ADAMTS17: variants seen among roughly 807,000 people sequenced by gnomAD.
The protein encoded by ADAMTS17 is A disintegrin and metalloproteinase with thrombospondin motifs 17.
In ADAMTS17, 113 loss-of-function variants were observed where a neutral mutation model predicts 141.5. That is an observed-to-expected ratio of 0.80 (90% CI 0.69 to 0.93). The LOEUF is 0.93. Among genes scored for constraint, ADAMTS17 ranks in the 40% least tolerant of loss-of-function variants. The pLI is 0.00. For missense variants in ADAMTS17, 1,659 were observed against 1,517.9 expected, an observed-to-expected ratio of 1.09 and a Z score of -1.54; for synonymous variants, 768 against 630.6, an observed-to-expected ratio of 1.22 and a Z score of -3.27.
chr15:100,052,401 G>T (rs1383264215), intron 16 of ADAMTS17, among the ~76,000 whole-genome samples: 1 of 152,200 alleles, frequency 6.6e-6, no homozygotes, highest in Non-Finnish European at 1.5e-5. Flanking sequence ...ATCACATTTT[G>T]AAAGAAAAGC....
intron 18 of ADAMTS17, among the ~76,000 whole-genome samples, chr15:100,035,108 T>TA (rs2141504196): frequency 6.6e-6 from 1 of 152,240 alleles, no homozygotes; most frequent in East Asian, 1.9e-4. Context: ...AACCCTCAGG[T>TA]ACTCAGGGTG....
intron 15 of ADAMTS17, among the ~76,000 whole-genome samples, chr15:100,076,045 C>A (rs2034350341): frequency 6.6e-6 from 1 of 151,196 alleles, no homozygotes; most frequent in Non-Finnish European, 1.5e-5. Flanking sequence ...TATTTTCTTT[C>A]TTTTTTTTTG....
chr15:100,215,440 C>T (rs552595421), intron 7 of ADAMTS17, among the ~76,000 whole-genome samples: 1 of 152,184 alleles, frequency 6.6e-6, no homozygotes, highest in Admixed American at 6.5e-5. Context: ...TCACTGCTAG[C>T]CTTGATTTCA....
chr15:100,034,498 T>C (rs1719070505), intron 18 of ADAMTS17, among the ~76,000 whole-genome samples: 1 of 152,234 alleles, frequency 6.6e-6, no homozygotes, highest in Admixed American at 6.5e-5. Flanking sequence ...GCTGGATGCC[T>C]GGCCTCACCT....
intron 3 of ADAMTS17, among the ~76,000 whole-genome samples, chr15:100,303,979 C>A (rs564025865): frequency 6.6e-6 from 1 of 152,340 alleles, no homozygotes; most frequent in East Asian, 1.9e-4. Context: ...CCGCTTCGGC[C>A]TCCCAAAGCG....
At chr15:100,336,316 G>C (rs532898313) in intron 2 of ADAMTS17, among the ~76,000 whole-genome samples, 1 of 152,182 alleles carries the variant, frequency 6.6e-6, no homozygotes, top group Non-Finnish European at 1.5e-5. Context: ...GAGGACAAAG[G>C]CGGACAAAGA....
chr15:100,043,180 A>T (rs1302899389), intron 18 of ADAMTS17, among the ~76,000 whole-genome samples: 13 of 152,232 alleles, frequency 8.5e-5, no homozygotes, highest in Admixed American at 8.5e-4. Flanking sequence ...AAATGAGCAA[A>T]CAAAACCAGC....
At chr15:100,259,950 T>C (rs979985922) in intron 6 of ADAMTS17, among the ~76,000 whole-genome samples, 2 of 152,176 alleles carry the variant, frequency 1.3e-5, no homozygotes, top group Non-Finnish European at 2.9e-5. Flanking sequence ...GTTCAAGCAA[T>C]TCTCCTGCCT....
chr15:100,020,775 A>C (rs74036701), intron 18 of ADAMTS17, among the ~76,000 whole-genome samples: 1,834 of 152,332 alleles, frequency 0.012, 42 homozygotes, highest in African/African-American at 0.042. Context: ...CAGGGCGCCC[A>C]TCCTGACCCA....
At chr15:100,210,372 T>C (rs8036848) in intron 7 of ADAMTS17, among the ~76,000 whole-genome samples, 151,652 of 152,274 alleles carry the variant, frequency 1, 75,520 homozygotes, top group Middle Eastern at 1. Flanking sequence ...AAGAGTCCCA[T>C]GCGGGATCTC....
chr15:100,010,238 A>C (rs919371466), intron 18 of ADAMTS17, among the ~76,000 whole-genome samples: 5 of 152,230 alleles, frequency 3.3e-5, no homozygotes, highest in Non-Finnish European at 1.5e-5. Flanking sequence ...GTATGTCTTT[A>C]TTAGCAGCAT....
intron 10 of ADAMTS17, among the ~76,000 whole-genome samples, chr15:100,148,723 T>C (rs894011224): frequency 7.2e-5 from 11 of 151,990 alleles, no homozygotes; most frequent in Non-Finnish European, 1.6e-4. Flanking sequence ...TCATGTTTCT[T>C]GTGAATTAGG....
At chr15:100,112,710 G>A (rs1034505875) in intron 13 of ADAMTS17, among the ~76,000 whole-genome samples, 1 of 152,174 alleles carries the variant, frequency 6.6e-6, no homozygotes, top group African/African-American at 2.4e-5. Flanking sequence ...CCACCTGCAT[G>A]GCTGGTGTGT....
chr15:100,162,968 GTATATATATGTGTATATATAACTATATA>G (rs2039792954), intron 8 of ADAMTS17, among the ~76,000 whole-genome samples: 1 of 134,008 alleles, frequency 7.5e-6, no homozygotes. Context: ...AACTATATAT[GTATATATATGTGTATATATAACTATATA>G]TGTATATATG....
intron 15 of ADAMTS17, among the ~76,000 whole-genome samples, chr15:100,085,989 T>C (rs13380127): frequency 0.32 from 47,218 of 147,796 alleles, 9,804 homozygotes; most frequent in East Asian, 0.57. Flanking sequence ...CAAATTCACA[T>C]ATAACAATAT....
At chr15:100,055,738 C>CT (rs1314568553) in intron 15 of ADAMTS17, among the ~76,000 whole-genome samples, 5 of 152,324 alleles carry the variant, frequency 3.3e-5, no homozygotes, top group African/African-American at 1.2e-4. Context: ...GTTTCCTCTC[C>CT]TTTTTCTCTT....
intron 7 of ADAMTS17, among the ~76,000 whole-genome samples, chr15:100,243,245 G>T (rs1214849986): frequency 6.6e-6 from 1 of 152,170 alleles, no homozygotes; most frequent in East Asian, 1.9e-4. Flanking sequence ...CAACACCTGG[G>T]ATGTTTCCAT....
At chr15:100,030,884 G>T (rs1001323195) in intron 18 of ADAMTS17, among the ~76,000 whole-genome samples, 2 of 152,220 alleles carry the variant, frequency 1.3e-5, no homozygotes, top group African/African-American at 4.8e-5. Flanking sequence ...ACATGTGTAT[G>T]TGTGAGGAGT....
chr15:100,025,414 CTTT>C (rs530003718), intron 18 of ADAMTS17, among the ~76,000 whole-genome samples: 6 of 135,926 alleles, frequency 4.4e-5, no homozygotes, highest in Admixed American at 2.9e-4. Flanking sequence ...CTTTTCTTTT[CTTT>C]TTTTTTTTTT....
Sources: allele counts gnomAD v4.1 joint callset (sites outside exome capture counted in the v4.1 genomes callset), GRCh38; gene constraint gnomAD v4.1.1; transcripts MANE v1.5; gene names NCBI Gene and HGNC (gene_info 2026-07-23, HGNC 2026-07-21).